Variants in CDKL5 observed in about 807,000 individuals in gnomAD.
CDKL5 encodes the protein cyclin-dependent kinase-like 5.
Under a neutral mutation model 61.7 loss-of-function variants are expected in CDKL5, and 8 were observed. The ratio of observed to expected loss-of-function variants is 0.13; its 90% confidence interval spans 0.08 to 0.23. The LOEUF is 0.23. Ranked by LOEUF, CDKL5 falls within the 10% of genes least tolerant of loss-of-function variation. The pLI, the probability that CDKL5 is intolerant of heterozygous loss-of-function variation, is 1.00. For synonymous variants in CDKL5, 275 were observed against 272.3 expected, an observed-to-expected ratio of 1.01 and a Z score of -0.10; for missense variants, 440 against 734.5, an observed-to-expected ratio of 0.60 and a Z score of 4.63.
At chrX:18,641,743 T>C, downstream of CDKL5, 1 of 386,733 alleles carries the variant, frequency 2.6e-6, no homozygotes. Context: ...CCCCTGCTAC[T>C]TAGGCTTTTG....
At chrX:18,649,056 AAAAG>A (rs1439954023) in intron 20 of CDKL5, among the ~76,000 whole-genome samples, 6 of 109,230 alleles carry the variant, frequency 5.5e-5, no homozygotes, top group East Asian at 2.9e-4. Context: ...AAAAAAAAAA[AAAAG>A]AAAACTACAG....
rs1927259904 is a variant in CDKL5, at chrX:18,632,319, G to A, written c.*3562G>A. The A allele has an allele frequency of 1.3e-6, 1 of 752,070 alleles. No individual in the cohort carries two copies. The highest frequency in any genetic ancestry group is 2.3e-5 in the African/African-American group (1 of 43,767). 62.0% of individuals were successfully genotyped at this position (752,070 alleles called of 1,213,427 possible). On this transcript the variant is annotated 3_prime_UTR_variant, in exon 18 of 18. Coordinates refer to ENST00000623535, the MANE Select transcript of CDKL5 (RefSeq NM_001323289.2). The stretch of plus-strand genomic sequence containing the variant: ...GAAGGAGACCAGAGTTACTTTATAG[G>A]TGTTGGAGAACTTAAATTCTAGGTT...
rs763922329 is a variant in CDKL5 at position 18,486,357 on chromosome X, CTT to C, written c.-162-20576_-162-20575del. ...CTCTTCACATTGGAAAGCAGGAAGA[CTT>C]TGTTATATGTGATTCAGCACTAGTA... On this transcript the variant is annotated intron_variant, in intron 1 of 17. Transcript: ENST00000623535. 1.5e-4 allele frequency among the ~76,000 whole-genome samples: 17 copies of C among 111,733 alleles called. No individual in the cohort carries two copies. The South Asian group carries it at 6.3e-3, about 41-fold the overall frequency.
At chrX:18,613,378 C>A in intron 15 of CDKL5, 103 bp downstream of exon 15, 3 of 747,498 alleles carry the variant, frequency 4.0e-6, no homozygotes, top group East Asian at 4.2e-5. Flanking sequence ...TCCTGCTAGG[C>A]CTTTTTTTCT....
intron 1 of CDKL5, among the ~76,000 whole-genome samples, chrX:18,439,061 CCCA>C (rs1464805719): frequency 1.1e-4 from 9 of 84,712 alleles, no homozygotes; most frequent in Non-Finnish European, 2.1e-4. Context: ...CCCCCCGCCC[CCCA>C]CCATTTCCTC....
At chrX:18,605,875 C>A (rs1360150796) in intron 12 of CDKL5, among the ~76,000 whole-genome samples, 1 of 112,039 alleles carries the variant, frequency 8.9e-6, no homozygotes, top group Non-Finnish European at 1.9e-5. Flanking sequence ...GGAAGATAAA[C>A]TGATACATGA....
rs1236993429 is a variant in CDKL5, at chrX:18,604,008, G to T, written c.1084G>T (p.Ala362Ser). 3.3e-6 allele frequency: 4 copies of T among 1,211,056 alleles called. No individual in the cohort carries two copies. Residue 362 changes from alanine to serine, a missense_variant, in exon 12 of 18, where the codon GCC becomes TCC. Transcript: ENST00000623535. ...GCCCCGGGCTGACGAAGGTCTCCCT[G>T]CCAATGAAAGCTTCCTAAATGGAAA... ...GLPRADEGLP[A>S]NESFLNGNLA...
At position 18,622,412 on chromosome X, in the gene CDKL5, GAGCGCTC is replaced by G. The variant is rs757318666; in HGVS notation, c.2376+2449_2376+2455del. 2.7e-5 allele frequency among the ~76,000 whole-genome samples: 3 copies of G among 112,046 alleles called. No homozygotes were observed. The Admixed American group carries it at 2.8e-4, about 11-fold the overall frequency. On this transcript the variant is annotated intron_variant, in intron 16 of 17. Coordinates refer to ENST00000623535, the MANE Select transcript of CDKL5 (RefSeq NM_001323289.2). Reference sequence around the variant, plus strand: ...ATTTAAGGGCTTTGGGATTTCCAAAGAGCGCTCAGTACAGCCTTCCAAACCTCAGAGT... The same window carrying G: ...ATTTAAGGGCTTTGGGATTTCCAAAGAGTACAGCCTTCCAAACCTCAGAGT...
chrX:18,534,251 C>T (rs1289216019), intron 3 of CDKL5, among the ~76,000 whole-genome samples: 2 of 111,539 alleles, frequency 1.8e-5, no homozygotes, highest in Non-Finnish European at 3.8e-5. Flanking sequence ...TGGGTGTCTT[C>T]GCGTTGTCCT....
intron 1 of CDKL5, among the ~76,000 whole-genome samples, chrX:18,440,700 T>G (rs1025175086): frequency 6.3e-5 from 7 of 111,883 alleles, no homozygotes; most frequent in South Asian, 3.7e-4. Context: ...CTCGAACTCC[T>G]GACCTCAGGT....
chrX:18,477,366 T>C (rs1921358371), intron 1 of CDKL5, among the ~76,000 whole-genome samples: 1 of 112,751 alleles, frequency 8.9e-6, no homozygotes, highest in Admixed American at 9.4e-5. Flanking sequence ...TGCACCTGGC[T>C]GAATCTTTTT....
intron 4 of CDKL5, among the ~76,000 whole-genome samples, chrX:18,571,403 G>A (rs941651062): frequency 9.0e-6 from 1 of 110,846 alleles, no homozygotes; most frequent in Non-Finnish European, 1.9e-5. Flanking sequence ...TTCTAGACTT[G>A]ATTTCTTCAT....
intron 14 of CDKL5, among the ~76,000 whole-genome samples, chrX:18,610,868 A>G (rs1926528149): frequency 8.9e-6 from 1 of 112,154 alleles, no homozygotes; most frequent in African/African-American, 3.2e-5. Context: ...AAAGCCTCCT[A>G]TGCCCATGTT....
chrX:18,510,478 C>CA (rs1374715097), intron 2 of CDKL5, among the ~76,000 whole-genome samples: 1 of 112,388 alleles, frequency 8.9e-6, no homozygotes, highest in Non-Finnish European at 1.9e-5. Context: ...TTAAGTTCCA[C>CA]AGAATCTTCT....
At chrX:18,606,622 C>G (rs1926375859) in intron 12 of CDKL5, among the ~76,000 whole-genome samples, 1 of 111,722 alleles carries the variant, frequency 9.0e-6, no homozygotes, top group Non-Finnish European at 1.9e-5. Flanking sequence ...ACAGGTGGCA[C>G]CTGAGCAGAG....
chrX:18,537,177 C>A (rs5955624), intron 3 of CDKL5, among the ~76,000 whole-genome samples: 2,671 of 110,781 alleles, frequency 0.024, 35 homozygotes, highest in Non-Finnish European at 0.042. Flanking sequence ...TTCTCATAAA[C>A]CCTTTTATGA....
At chrX:18,616,737 G>T (rs1195129642) in intron 15 of CDKL5, among the ~76,000 whole-genome samples, 1 of 111,623 alleles carries the variant, frequency 9.0e-6, no homozygotes, top group Non-Finnish European at 1.9e-5. Flanking sequence ...ATCCATTAGT[G>T]CTTGTCATCA....
At position 18,630,564 on chromosome X, in the gene CDKL5, T is replaced by C; in HGVS notation, c.*1807T>C. On this transcript the variant is annotated 3_prime_UTR_variant, in exon 18 of 18. Transcript: ENST00000623535. Reference sequence around the variant, plus strand: ...TCATAGCTCTGATGATTATGAAGATTATAAAGACTAAGGTCCTAGTTTCCC... The same window carrying C: ...TCATAGCTCTGATGATTATGAAGATCATAAAGACTAAGGTCCTAGTTTCCC... 1 of 752,575 alleles carries C rather than the reference T, an allele frequency of 1.3e-6. No individual in the cohort carries two copies. The highest frequency in any genetic ancestry group is 2.3e-5 in the African/African-American group (1 of 43,543). 62.0% of individuals were successfully genotyped at this position (752,575 alleles called of 1,213,427 possible). A position where few individuals can be genotyped will look rare whatever the true frequency, so the allele number is the denominator to read the frequency against.
rs777099838 is a variant in CDKL5, at chrX:18,612,694, TCTTCA to T, written c.2153-454_2153-450del. 6.4e-5 allele frequency among the ~76,000 whole-genome samples: 7 copies of T among 109,354 alleles called. No individual in the cohort carries two copies. The South Asian group carries it at 2.8e-3, about 44-fold the overall frequency. The allele number at this position is 109,354 out of a possible 115,157, so 95.0% of individuals were successfully genotyped here. On this transcript the variant is annotated intron_variant, in intron 14 of 17. Transcript: ENST00000623535. The stretch of plus-strand genomic sequence containing the variant: ...GAGAGAGAGAAAAAAAATATAATGT[TCTTCA>T]CTTTATCAGCTGGCAGGTCAGTTTA...
Sources: allele counts gnomAD v4.1 joint callset (sites outside exome capture counted in the v4.1 genomes callset), GRCh38; gene constraint gnomAD v4.1.1; transcripts MANE v1.5; gene names NCBI Gene and HGNC (gene_info 2026-07-23, HGNC 2026-07-21).